The following GRIK4 variants were observed in gnomAD, a reference collection of about 807,000 sequenced individuals.
The protein encoded by GRIK4 is glutamate ionotropic receptor kainate type subunit 4, also known as glutamate receptor ionotropic, kainate 4.
Under a neutral mutation model 104.9 loss-of-function variants are expected in GRIK4, and 40 were observed. The observed-to-expected ratio is 0.38, with a 90% CI of 0.30 to 0.50. The LOEUF (loss-of-function observed/expected upper bound fraction) is 0.50, where lower values mean the gene tolerates loss of function less well. Ranked by LOEUF, GRIK4 falls within the 20% of genes least tolerant of loss-of-function variation. GRIK4 has a pLI of 0.93. For synonymous variants in GRIK4, 485 were observed against 524.9 expected, an observed-to-expected ratio of 0.92 and a Z score of 1.04; for missense variants, 1,047 against 1,308.1, an observed-to-expected ratio of 0.80 and a Z score of 3.08.
chr11:120,732,205 C>T (rs1951143720), intron 3 of GRIK4, among the ~76,000 whole-genome samples: 1 of 152,106 alleles, frequency 6.6e-6, no homozygotes, highest in Non-Finnish European at 1.5e-5. Flanking sequence ...ATTCTTGGTT[C>T]ACTGCAACCT....
rs779441087 is a variant in GRIK4, at chr11:120,660,285, G to A, written c.-34G>A. The A allele has an allele frequency of 3.9e-6, 6 of 1,528,312 alleles. No individual in the cohort carries two copies. In the African/African-American group the frequency reaches 6.8e-5, roughly 17 times the overall value. The allele number at this position is 1,528,312 out of a possible 1,614,324, so 94.7% of individuals were successfully genotyped here. ...CTCTCGCAGAGTTATGTCATGCCCAGGCCAGCAGGGGGCTCCATGAGGATT... is the reference window on the plus strand; with the variant it reads ...CTCTCGCAGAGTTATGTCATGCCCAAGCCAGCAGGGGGCTCCATGAGGATT... On this transcript the variant is annotated 5_prime_UTR_variant, in exon 3 of 21. Transcript: ENST00000527524.
Position 120,513,386 on chromosome 11 carries a change from ACTGT to A in GRIK4, c.-159+1504_-159+1507del, listed in dbSNP as rs1366309969. Among the ~76,000 whole-genome samples the A allele has an allele frequency of 2.6e-5, 4 of 151,932 alleles. No homozygotes were observed. The highest frequency in any genetic ancestry group is 5.9e-5 in the Non-Finnish European group (4 of 67,998). On this transcript the variant is annotated intron_variant, in intron 1 of 20. Transcript: ENST00000527524. This position sits in a 1 kb window ranked among gnomAD's most constrained non-coding sequence, Gnocchi z 4.5. ...AAATCCGGTCCTGCCTGACTCCCTG[ACTGT>A]CTGTGCTCGCGTGGTCAGGGGCGAG...
At chr11:120,660,511 GCCCT>G (rs1015476691) in intron 3 of GRIK4, 111 bp downstream of exon 3, 5 of 772,640 alleles carry the variant, frequency 6.5e-6, no homozygotes, top group Non-Finnish European at 1.1e-5. Context: ...CGTGCACTGT[GCCCT>G]CCCTGAGTGT....
intron 1 of GRIK4, among the ~76,000 whole-genome samples, chr11:120,520,105 C>T (rs1300891235): frequency 6.6e-6 from 1 of 152,074 alleles, no homozygotes; most frequent in Non-Finnish European, 1.5e-5. Context: ...GTTGGCCAGG[C>T]TGGTCTCAAA....
At chr11:120,653,081 CCATT>C (rs199624207) in intron 1 of GRIK4, among the ~76,000 whole-genome samples, 3 of 152,172 alleles carry the variant, frequency 2.0e-5, no homozygotes, top group Admixed American at 6.5e-5. Flanking sequence ...AGTGAAATAG[CCATT>C]CATTCATTCA....
At chr11:120,597,746 TAAGCATCTGA>T (rs1343543631) in intron 1 of GRIK4, among the ~76,000 whole-genome samples, 1 of 152,168 alleles carries the variant, frequency 6.6e-6, no homozygotes, top group Non-Finnish European at 1.5e-5. Flanking sequence ...AATTTTTCTC[TAAGCATCTGA>T]AAGCGAAAGG....
intron 1 of GRIK4, 87 bp downstream of exon 1, chr11:120,511,974 C>G (rs1231977104): frequency 6.6e-6 from 1 of 151,042 alleles, no homozygotes; most frequent in Non-Finnish European, 1.5e-5. Context: ...TGGCCCTTCC[C>G]GCACCCCGAC....
At chr11:120,922,435 G>T (rs1943244945) in intron 13 of GRIK4, among the ~76,000 whole-genome samples, 1 of 152,126 alleles carries the variant, frequency 6.6e-6, no homozygotes, top group African/African-American at 2.4e-5. Flanking sequence ...CCACAGCTAG[G>T]CCCTGCTCAT....
chr11:120,880,243 C>G (rs1954930485), intron 11 of GRIK4, among the ~76,000 whole-genome samples: 1 of 152,214 alleles, frequency 6.6e-6, no homozygotes, highest in South Asian at 2.1e-4. Context: ...CAGTCTTGTC[C>G]TTGCCTGTGG....
Position 120,529,597 on chromosome 11 carries a change from G to C in GRIK4, c.-159+17710G>C, listed in dbSNP as rs571261532. 8.1e-4 allele frequency among the ~76,000 whole-genome samples: 123 copies of C among 152,338 alleles called. 1 individual carries two copies. The South Asian group carries it at 0.023, about 29-fold the overall frequency. On this transcript the variant is annotated intron_variant, in intron 1 of 20. Coordinates refer to ENST00000527524, the MANE Select transcript of GRIK4 (RefSeq NM_014619.5). ...CACATGTAAGTTCCCTGTCGGGAGTGGTGGGGGAAGTGGGAAAAGTGCTGT... is the reference window on the plus strand; with the variant it reads ...CACATGTAAGTTCCCTGTCGGGAGTCGTGGGGGAAGTGGGAAAAGTGCTGT...
At chr11:120,823,466 G>C (rs1307984864) in intron 6 of GRIK4, among the ~76,000 whole-genome samples, 1 of 152,116 alleles carries the variant, frequency 6.6e-6, no homozygotes, top group East Asian at 1.9e-4. Context: ...CTCCTCCCCG[G>C]TCATTCCAGA....
chr11:120,844,636 C>T (rs143071818), intron 8 of GRIK4, among the ~76,000 whole-genome samples: 16 of 152,304 alleles, frequency 1.1e-4, no homozygotes, highest in African/African-American at 3.1e-4. Flanking sequence ...AACCTATCTG[C>T]GTTTCAGCTG....
chr11:120,744,083 C>T (rs993133393), intron 3 of GRIK4, among the ~76,000 whole-genome samples: 1 of 152,136 alleles, frequency 6.6e-6, no homozygotes, highest in Admixed American at 6.5e-5. Context: ...TCTCCCGGCA[C>T]CCCGGTCTCT....
intron 1 of GRIK4, among the ~76,000 whole-genome samples, chr11:120,627,942 A>G (rs1341039297): frequency 6.6e-6 from 1 of 152,236 alleles, no homozygotes; most frequent in Non-Finnish European, 1.5e-5. Context: ...CTGTGCTTCT[A>G]ATTCCCCTGA....
chr11:120,828,393 G>A (rs1001533328), intron 6 of GRIK4, among the ~76,000 whole-genome samples: 7 of 152,212 alleles, frequency 4.6e-5, no homozygotes, highest in African/African-American at 1.7e-4. Flanking sequence ...CGTGAGAAGA[G>A]GGTGGAGGCT....
intron 1 of GRIK4, among the ~76,000 whole-genome samples, chr11:120,514,243 C>T (rs1177182738): frequency 1.3e-5 from 2 of 152,176 alleles, no homozygotes; most frequent in Non-Finnish European, 2.9e-5. Flanking sequence ...GTACTAATCC[C>T]TTATGTGTGT....
At chr11:120,603,504 C>T (rs983542517) in intron 1 of GRIK4, among the ~76,000 whole-genome samples, 1 of 152,186 alleles carries the variant, frequency 6.6e-6, no homozygotes, top group African/African-American at 2.4e-5. Flanking sequence ...CATTTTCTTT[C>T]AGCCCTCCTT....
chr11:120,779,603 T>G (rs952951614), intron 3 of GRIK4, among the ~76,000 whole-genome samples: 1 of 152,162 alleles, frequency 6.6e-6, no homozygotes, highest in Non-Finnish European at 1.5e-5. Context: ...GTGAAATTGG[T>G]CAAGTGATTT....
intron 19 of GRIK4, among the ~76,000 whole-genome samples, chr11:120,980,972 T>C (rs996254899): frequency 4.6e-5 from 7 of 152,114 alleles, no homozygotes; most frequent in African/African-American, 1.4e-4. Flanking sequence ...ATTTCTGATC[T>C]GGCCCTGTGA....
Sources: allele counts gnomAD v4.1 joint callset (sites outside exome capture counted in the v4.1 genomes callset), GRCh38; gene constraint gnomAD v4.1.1; non-coding constraint Gnocchi (gnomAD v3.1); transcripts MANE v1.5; gene names NCBI Gene and HGNC (gene_info 2026-07-23, HGNC 2026-07-21).